Variants in MFN1 observed in about 807,000 individuals in gnomAD.
MFN1 encodes the protein mitofusin 1.
Under a neutral mutation model 92.4 loss-of-function variants are expected in MFN1, and 65 were observed. That is an observed-to-expected ratio of 0.70 (90% confidence interval 0.58 to 0.86). MFN1 has a LOEUF of 0.86. Among genes scored for constraint, MFN1 ranks in the 40% least tolerant of loss-of-function variants. The pLI is 0.00. For missense variants in MFN1, 781 were observed against 868.0 expected (o/e 0.90, Z 1.26); for synonymous variants, 297 against 300.9 (o/e 0.99, Z 0.13).
chr3:179,367,375 A>T, intron 7 of MFN1, 64 bp from the exon 8 acceptor site: 2 of 1,412,226 alleles, frequency 1.4e-6, no homozygotes, highest in Non-Finnish European at 1.9e-6. Flanking sequence ...GTATTGGTCT[A>T]TAGTCGTTGG....
chr3:179,380,363 G>A (rs1713419200), intron 14 of MFN1, among the ~76,000 whole-genome samples: 1 of 152,208 alleles, frequency 6.6e-6, no homozygotes, highest in African/African-American at 2.4e-5. Flanking sequence ...ATGTGCTAAT[G>A]CAGCAGGCAT....
At chr3:179,375,147 G>GT (rs1713188719) in intron 9 of MFN1, 73 bp from the exon 10 acceptor site, 2 of 1,440,888 alleles carry the variant, frequency 1.4e-6, no homozygotes, top group Non-Finnish European at 1.8e-6. Flanking sequence ...CAAACAGCAA[G>GT]TTTTTGTGTT....
At chr3:179,367,372 T>G in intron 7 of MFN1, 67 bp from the exon 8 acceptor site, 1 of 1,375,030 alleles carries the variant, frequency 7.3e-7, no homozygotes, top group South Asian at 1.4e-5. Flanking sequence ...TAAGTATTGG[T>G]CTATAGTCGT....
chr3:179,347,710 C>G lies in MFN1; in HGVS notation c.-108C>G, dbSNP rs1711962730. The G allele has an allele frequency of 6.6e-6, 1 of 152,292 alleles. No homozygotes were observed. Among genetic ancestry groups the G allele is most frequent in the Non-Finnish European group, 1.5e-5 (1 of 68,084 alleles). The allele number at this position is 152,292 out of a possible 1,614,324, so 9.4% of individuals were successfully genotyped here. On this transcript the variant is annotated 5_prime_UTR_variant, in exon 1 of 18. Coordinates refer to ENST00000471841, the MANE Select transcript of MFN1 (RefSeq NM_033540.3). ...GGCCGGAAGTGACCGCCCTTTGCCA[C>G]TCCCCCTGCCTCCTCTCCGCCTTTA...
chr3:179,358,822 A>G lies in MFN1; in HGVS notation c.249-18A>G. 6.3e-7 allele frequency: 1 copy of G among 1,597,728 alleles called. No homozygotes were observed. Among genetic ancestry groups the G allele is most frequent in the East Asian group, 2.2e-5 (1 of 44,584 alleles). ...TTACTGTTATGTTTTGTTTTTCATG[A>G]TTTTGTATATTCTTCAGGACAAGCA... On this transcript the variant is annotated intron_variant, in intron 3 of 17. Transcript: ENST00000471841.
chr3:179,372,304 A>G (rs1577010209), intron 9 of MFN1, among the ~76,000 whole-genome samples: 1 of 151,274 alleles, frequency 6.6e-6, no homozygotes, highest in East Asian at 1.9e-4. Context: ...AGGTGTTTGT[A>G]GGGTCTGTTT....
At chr3:179,366,771 TATAGAGATCTCTCATCATAGCC>T (rs1211644761) in intron 7 of MFN1, among the ~76,000 whole-genome samples, 6 of 152,220 alleles carry the variant, frequency 3.9e-5, no homozygotes, top group African/African-American at 1.4e-4. Flanking sequence ...CAAGTCTTAA[TATAGAGATCTCTCATCATAGCC>T]ATAATACTAA....
intron 2 of MFN1, among the ~76,000 whole-genome samples, chr3:179,351,087 G>T (rs570778928): frequency 6.6e-6 from 1 of 152,314 alleles, no homozygotes; most frequent in South Asian, 2.1e-4. Flanking sequence ...TTATAGGCGT[G>T]AGCCCCCACG....
chr3:179,360,143 T>G (rs1306926626), intron 4 of MFN1, among the ~76,000 whole-genome samples: 2 of 152,230 alleles, frequency 1.3e-5, no homozygotes, highest in Non-Finnish European at 2.9e-5. Context: ...CTTGAACTCC[T>G]GACCTCAGGT....
At position 179,385,680 on chromosome 3, in the gene MFN1, ACATCT is replaced by A; in HGVS notation, c.1775_1779del (p.Thr592LysfsTer36). The A allele has an allele frequency of 6.2e-7, 1 of 1,613,864 alleles. No homozygotes were observed. Among genetic ancestry groups the A allele is most frequent in the Non-Finnish European group, 8.5e-7 (1 of 1,179,936 alleles). Reference sequence around the variant, plus strand: ...ATTAGTAACAGGATTGGCGTCCGTTACATCTAGAACTTCTATGGGCATCATTATTG... The same window carrying A: ...ATTAGTAACAGGATTGGCGTCCGTTAAGAACTTCTATGGGCATCATTATTG... On this transcript the variant is annotated frameshift_variant, in exon 15 of 18. Transcript: ENST00000471841. LOFTEE classifies it high-confidence loss of function.
chr3:179,385,209 G>T (rs554123523), intron 14 of MFN1, among the ~76,000 whole-genome samples: 1 of 118,412 alleles, frequency 8.4e-6, no homozygotes, highest in South Asian at 3.0e-4. Context: ...CACCGCGCCC[G>T]GCCGAAGTCC....
intron 7 of MFN1, among the ~76,000 whole-genome samples, chr3:179,366,766 C>A (rs1279242362): frequency 6.6e-6 from 1 of 152,068 alleles, no homozygotes; most frequent in African/African-American, 2.4e-5. Flanking sequence ...TTTTGCAAGT[C>A]TTAATATAGA....
In MFN1 at chr3:179,375,259, C is replaced by T; in HGVS notation, c.1015C>T (p.Gln339Ter). ...SQSAVKTKFEQHTIRAKQILA... is the reference protein window; with the variant it reads ...SQSAVKTKFE ...GTCAGCAGTGAAAACAAAGTTCGAA[C>T]AGCACACTATCAGAGCTAAACAGAT... Residue 339 changes from glutamine to a stop codon, truncating the protein, a stop_gained, in exon 10 of 18, where the codon CAG becomes TAG. Coordinates refer to ENST00000471841, the MANE Select transcript of MFN1 (RefSeq NM_033540.3). LOFTEE classifies it high-confidence loss of function. The T allele has an allele frequency of 1.2e-6, 2 of 1,613,892 alleles. No homozygotes were observed. The highest frequency in any genetic ancestry group is 1.7e-6 in the Non-Finnish European group (2 of 1,179,902).
At chr3:179,375,044 T>A (rs1404514557) in intron 9 of MFN1, among the ~76,000 whole-genome samples, 176 bp from the exon 10 acceptor site, 2 of 152,268 alleles carry the variant, frequency 1.3e-5, no homozygotes, top group Non-Finnish European at 2.9e-5. Flanking sequence ...TTTTTACTTT[T>A]GAATCTTTGT....
chr3:179,382,903 A>G (rs1457451191), intron 14 of MFN1, among the ~76,000 whole-genome samples: 2 of 152,100 alleles, frequency 1.3e-5, no homozygotes, highest in East Asian at 3.9e-4. Context: ...TCCTTCGCCC[A>G]CTTTTTGATG....
At position 179,377,398 on chromosome 3, in the gene MFN1, T is replaced by C. The variant is rs1418311571; in HGVS notation, c.1279T>C (p.Phe427Leu). The C allele has an allele frequency of 5.0e-6, 8 of 1,609,756 alleles. No homozygotes were observed. Among genetic ancestry groups the C allele is most frequent in the Non-Finnish European group, 6.8e-6 (8 of 1,178,226 alleles). Residue 427 changes from phenylalanine to leucine, a missense_variant, in exon 12 of 18, where the codon TTT (phenylalanine) becomes CTT (leucine). Coordinates refer to ENST00000471841, the MANE Select transcript of MFN1 (RefSeq NM_033540.3). The stretch of plus-strand genomic sequence containing the variant: ...TCGACTGTCTGTTTTGGTTGATGAA[T>C]TTTGTTCAGAGTTTCATCCTAATCC... ...ICRLSVLVDE[F>L]CSEFHPNPDV...
intron 3 of MFN1, among the ~76,000 whole-genome samples, chr3:179,358,168 T>TG (rs71181285): frequency 6.7e-6 from 1 of 150,180 alleles, no homozygotes; most frequent in Non-Finnish European, 1.5e-5. Flanking sequence ...TTTTTTTTTT[T>TG]GAGACTCAGT....
At chr3:179,386,354 G>C in intron 15 of MFN1, 79 bp from the exon 16 acceptor site, 2 of 1,123,668 alleles carry the variant, frequency 1.8e-6, no homozygotes, top group Non-Finnish European at 1.3e-6. Context: ...AAGATCCATA[G>C]GGAACTAAAA....
At chr3:179,371,157 T>C (rs1242530841) in intron 9 of MFN1, among the ~76,000 whole-genome samples, 3 of 152,296 alleles carry the variant, frequency 2.0e-5, no homozygotes, top group African/African-American at 7.2e-5. Flanking sequence ...TTTAAACATT[T>C]AGAATACTAA....
Sources: allele counts gnomAD v4.1 joint callset (sites outside exome capture counted in the v4.1 genomes callset), GRCh38; gene constraint gnomAD v4.1.1; transcripts MANE v1.5; gene names NCBI Gene and HGNC (gene_info 2026-07-23, HGNC 2026-07-21).